PTK2: variants seen among roughly 807,000 people sequenced by gnomAD.
PTK2 encodes the protein focal adhesion kinase 1.
In PTK2, 45 loss-of-function variants were observed where a neutral mutation model predicts 150.1. The ratio of observed to expected loss-of-function variants is 0.30; its 90% confidence interval spans 0.24 to 0.38. PTK2 has a LOEUF of 0.38. PTK2 is among the 10% of genes least tolerant of loss of function. The pLI, the probability that PTK2 is intolerant of heterozygous loss-of-function variation, is 1.00. For synonymous variants in PTK2, 432 were observed against 449.2 expected (o/e 0.96, Z 0.48); for missense variants, 919 against 1,307.3 (o/e 0.70, Z 4.58).
chr8:140,997,044 C>A (rs903758273), intron 1 of PTK2, among the ~76,000 whole-genome samples: 5 of 152,092 alleles, frequency 3.3e-5, no homozygotes, highest in Non-Finnish European at 7.3e-5. Context: ...GTGAAAATAG[C>A]ATTATGAACA....
chr8:140,779,412 T>A (rs2100080417), intron 14 of PTK2, among the ~76,000 whole-genome samples: 1 of 152,128 alleles, frequency 6.6e-6, no homozygotes, highest in African/African-American at 2.4e-5. Flanking sequence ...ATATGTGAGA[T>A]TCAAAGCTCA....
chr8:140,899,104 CA>C (rs1568440410), intron 2 of PTK2, among the ~76,000 whole-genome samples: 1 of 152,134 alleles, frequency 6.6e-6, no homozygotes, highest in Non-Finnish European at 1.5e-5. Flanking sequence ...TTTTACTAGA[CA>C]AAGCAGCTAA....
At chr8:140,948,006 C>T (rs1187538949) in intron 1 of PTK2, among the ~76,000 whole-genome samples, 1 of 152,086 alleles carries the variant, frequency 6.6e-6, no homozygotes, top group African/African-American at 2.4e-5. Flanking sequence ...TATTTAGGGG[C>T]CCACAGACTA....
intron 23 of PTK2, among the ~76,000 whole-genome samples, chr8:140,716,146 T>C (rs1221518526): frequency 1.3e-5 from 2 of 152,068 alleles, no homozygotes; most frequent in Non-Finnish European, 2.9e-5. Context: ...GAATGTGAGA[T>C]TTGGAGTAGG....
chr8:140,982,805 A>C (rs894566230), intron 1 of PTK2, among the ~76,000 whole-genome samples: 23 of 152,332 alleles, frequency 1.5e-4, no homozygotes, highest in Admixed American at 1.4e-3. Context: ...TTAAGTATGA[A>C]CCAGTACCTT....
chr8:140,713,425 G>C (rs2100037871), intron 23 of PTK2, among the ~76,000 whole-genome samples: 1 of 152,178 alleles, frequency 6.6e-6, no homozygotes, highest in Non-Finnish European at 1.5e-5. Flanking sequence ...AACTTGCTTA[G>C]CTAATTTTTG....
At chr8:140,680,851 A>T (rs187769637) in intron 27 of PTK2, among the ~76,000 whole-genome samples, 1 of 151,450 alleles carries the variant, frequency 6.6e-6, no homozygotes, top group Admixed American at 6.6e-5. Context: ...TATATAGAAA[A>T]AATGTTTGCA....
At chr8:140,677,290 C>A (rs2100014487) in intron 27 of PTK2, among the ~76,000 whole-genome samples, 1 of 150,746 alleles carries the variant, frequency 6.6e-6, no homozygotes, top group South Asian at 2.1e-4. Flanking sequence ...TTGTCATCAC[C>A]CCCAAAGCAC....
At chr8:140,755,084 G>A (rs1311166702) in intron 16 of PTK2, among the ~76,000 whole-genome samples, 7 of 152,138 alleles carry the variant, frequency 4.6e-5, no homozygotes, top group Non-Finnish European at 7.4e-5. Flanking sequence ...ACAGCTAGTA[G>A]ACGTTTAAAA....
At position 140,819,025 on chromosome 8, in the gene PTK2, A is replaced by G; in HGVS notation, c.649-5T>C. 1 of 1,610,230 alleles carries G rather than the reference A, an allele frequency of 6.2e-7. No homozygotes were observed. Among genetic ancestry groups the G allele is most frequent in the South Asian group, 1.1e-5 (1 of 90,278 alleles). On this transcript the variant is annotated splice_region_variant and splice_polypyrimidine_tract_variant and intron_variant, in intron 8 of 31. Transcript: ENST00000522684. ...CAGTTTTCTTAGTGTTTTGGCCTGCATGACAAAATTACCAAAACATCTTGT... is the reference window on the plus strand; with the variant it reads ...CAGTTTTCTTAGTGTTTTGGCCTGCGTGACAAAATTACCAAAACATCTTGT...
rs919813406 is a variant in PTK2, at chr8:140,724,021, T to C, written c.2031-6312A>G. On this transcript the variant is annotated intron_variant, in intron 22 of 31. Transcript: ENST00000522684. ...AGAAAGTAGTCCTTCATTTCCAGTA[T>C]GGACAGCTAAGACACAAAAATACAG... Among the ~76,000 whole-genome samples, 12 of 152,224 alleles carry C rather than the reference T, an allele frequency of 7.9e-5. No homozygotes were observed. In the East Asian group the frequency reaches 2.1e-3, roughly 27 times the overall value.
chr8:141,000,316 G>A (rs971520276), intron 1 of PTK2, among the ~76,000 whole-genome samples: 4 of 152,198 alleles, frequency 2.6e-5, no homozygotes, highest in Non-Finnish European at 5.9e-5. Context: ...AGAAGCCCAC[G>A]GGGCTCTACC....
At chr8:140,959,313 G>A (rs561834478) in intron 1 of PTK2, among the ~76,000 whole-genome samples, 1 of 150,726 alleles carries the variant, frequency 6.6e-6, no homozygotes, top group Non-Finnish European at 1.5e-5. Context: ...GGCGGATCAT[G>A]AGGTCAGGAG....
chr8:140,831,191 C>T (rs2100115144), intron 7 of PTK2, among the ~76,000 whole-genome samples: 1 of 152,306 alleles, frequency 6.6e-6, no homozygotes, highest in South Asian at 2.1e-4. Context: ...AACCTCAACG[C>T]TCTGGCCAAG....
In PTK2 at chr8:140,746,871, A is replaced by G; in HGVS notation, c.1418-11T>C. On this transcript the variant is annotated splice_polypyrimidine_tract_variant and intron_variant, in intron 17 of 31. Transcript: ENST00000522684. ...ACTGACGCATTGTTACTAGGAAAAAAGTTCTCCATAGTTATTCTTTCTTTT... is the reference window on the plus strand; with the variant it reads ...ACTGACGCATTGTTACTAGGAAAAAGGTTCTCCATAGTTATTCTTTCTTTT... 1 of 1,533,362 alleles carries G rather than the reference A, an allele frequency of 6.5e-7. No individual in the cohort carries two copies. The highest frequency in any genetic ancestry group is 8.9e-7 in the Non-Finnish European group (1 of 1,121,678). 95.0% of individuals were successfully genotyped at this position (1,533,362 alleles called of 1,614,324 possible).
intron 2 of PTK2, among the ~76,000 whole-genome samples, chr8:140,904,207 T>C (rs1024628986): frequency 3.9e-5 from 6 of 152,234 alleles, no homozygotes; most frequent in East Asian, 1.9e-4. Context: ...GTTTTTAACA[T>C]GAAGGGGTGT....
At chr8:140,922,646 G>C (rs1381049005) in intron 2 of PTK2, among the ~76,000 whole-genome samples, 1 of 152,126 alleles carries the variant, frequency 6.6e-6, no homozygotes, top group African/African-American at 2.4e-5. Context: ...CAAAATAAAA[G>C]CTACCTTCAT....
intron 2 of PTK2, among the ~76,000 whole-genome samples, chr8:140,907,466 T>C (rs1302769361): frequency 6.6e-6 from 1 of 152,208 alleles, no homozygotes; most frequent in Non-Finnish European, 1.5e-5. Flanking sequence ...AGATCAGGGA[T>C]ACTCAACTTG....
intron 1 of PTK2, among the ~76,000 whole-genome samples, chr8:140,944,476 T>C (rs1173390295): frequency 6.6e-6 from 1 of 152,218 alleles, no homozygotes; most frequent in Non-Finnish European, 1.5e-5. Flanking sequence ...ACGAGGAATC[T>C]TGGACTGTCT....
Sources: gnomAD v4.1 joint callset for allele counts (sites outside exome capture counted in the v4.1 genomes callset) on GRCh38, gnomAD v4.1.1 for gene constraint, MANE v1.5 for transcripts, NCBI Gene and HGNC (gene_info 2026-07-23, HGNC 2026-07-21) for gene names.